The following CDH13 variants were observed in gnomAD, a reference collection of about 807,000 sequenced individuals.
CDH13 encodes cadherin-13.
CDH13 carries 24 observed loss-of-function variants against 63.8 expected under a neutral mutation model. That is an observed-to-expected ratio of 0.38 (90% CI 0.27 to 0.53). The LOEUF is 0.53. Ranked by LOEUF, CDH13 falls within the 20% of genes least tolerant of loss-of-function variation. The pLI, the probability that CDH13 is intolerant of heterozygous loss-of-function variation, is 0.85. For missense variants in CDH13, 1,049 were observed against 903.1 expected (o/e 1.16, Z -2.07); for synonymous variants, 503 against 355.3 (o/e 1.42, Z -4.67).
At chr16:83,627,126 A>G (rs1296981196) in intron 8 of CDH13, among the ~76,000 whole-genome samples, 1 of 32,824 alleles carries the variant, frequency 3.0e-5, no homozygotes, top group African/African-American at 1.1e-4. Flanking sequence ...CCACTAAAAT[A>G]CAAAAAAAAA....
intron 4 of CDH13, among the ~76,000 whole-genome samples, chr16:83,157,660 C>T (rs1220845693): frequency 2.7e-5 from 4 of 150,382 alleles, no homozygotes; most frequent in East Asian, 2.0e-4. Context: ...TTTGGGAGGC[C>T]GAGGCGGGCA....
intron 10 of CDH13, among the ~76,000 whole-genome samples, chr16:83,717,423 C>T (rs1342071162): frequency 3.3e-5 from 5 of 152,282 alleles, no homozygotes; most frequent in East Asian, 3.9e-4. Context: ...CCTGGTTCAC[C>T]GCACGTGAAA....
At chr16:83,469,760 T>C (rs2073408716) in intron 6 of CDH13, among the ~76,000 whole-genome samples, 3 of 152,146 alleles carry the variant, frequency 2.0e-5, no homozygotes, top group South Asian at 4.1e-4. Flanking sequence ...TAAAATGCAT[T>C]GTTTGCAACA....
chr16:82,808,620 A>G (rs907791626), intron 1 of CDH13, among the ~76,000 whole-genome samples: 1 of 152,184 alleles, frequency 6.6e-6, no homozygotes, highest in Non-Finnish European at 1.5e-5. Context: ...TTATTTTTTC[A>G]TAAGATGATG....
At chr16:82,821,412 T>C (rs1381503) in intron 1 of CDH13, among the ~76,000 whole-genome samples, 48,028 of 152,128 alleles carry the variant, frequency 0.32, 8,765 homozygotes, top group Non-Finnish European at 0.42. Flanking sequence ...GAAGTTGGCC[T>C]ATGCCCCTTG....
chr16:82,949,010 G>C (rs1042039219), intron 2 of CDH13, among the ~76,000 whole-genome samples: 18 of 152,160 alleles, frequency 1.2e-4, no homozygotes, highest in Non-Finnish European at 2.2e-4. Context: ...TACATTGTGA[G>C]AGAGTTTTCA....
chr16:83,672,035 A>G (rs1321714412), intron 9 of CDH13, among the ~76,000 whole-genome samples: 1 of 152,248 alleles, frequency 6.6e-6, no homozygotes, highest in Non-Finnish European at 1.5e-5. Context: ...CCTGAGCAGC[A>G]GGGATCAATT....
In CDH13 at chr16:82,763,065, G is replaced by A. The variant is rs143000082; in HGVS notation, c.46-95297G>A. Among the ~76,000 whole-genome samples the A allele has an allele frequency of 3.9e-5, 6 of 152,316 alleles. No homozygotes were observed. In the East Asian group the frequency reaches 9.6e-4, roughly 24 times the overall value. On this transcript the variant is annotated intron_variant, in intron 1 of 13. Coordinates refer to ENST00000567109, the MANE Select transcript of CDH13 (RefSeq NM_001257.5). ...TTATAGATTTTATATAAGCATGTGA[G>A]TATGGACCTTGGGCCTCACCAGCCC...
chr16:82,764,343 C>G (rs1160132905), intron 1 of CDH13, among the ~76,000 whole-genome samples: 2 of 152,120 alleles, frequency 1.3e-5, no homozygotes, highest in African/African-American at 4.8e-5. Context: ...AAAGGATTCT[C>G]ATTTGTCTAT....
intron 4 of CDH13, among the ~76,000 whole-genome samples, chr16:83,174,791 G>C (rs2038060926): frequency 6.6e-6 from 1 of 152,046 alleles, no homozygotes; most frequent in Admixed American, 6.6e-5. Context: ...TAACAATCAT[G>C]GCAGAATGTG....
intron 2 of CDH13, among the ~76,000 whole-genome samples, chr16:82,933,074 G>A (rs1434971831): frequency 6.6e-6 from 1 of 152,030 alleles, no homozygotes; most frequent in African/African-American, 2.4e-5. Context: ...TCTTTAGGAA[G>A]GCTGAATCAA....
chr16:82,819,747 T>C (rs2037910174), intron 1 of CDH13, among the ~76,000 whole-genome samples: 1 of 152,224 alleles, frequency 6.6e-6, no homozygotes, highest in Non-Finnish European at 1.5e-5. Flanking sequence ...GCCTATGCTT[T>C]TCCAGGCAGT....
intron 5 of CDH13, among the ~76,000 whole-genome samples, chr16:83,341,132 A>G (rs2090712124): frequency 6.6e-6 from 1 of 152,210 alleles, no homozygotes; most frequent in Admixed American, 6.5e-5. Context: ...TTGAATGCAT[A>G]TGAGGTTGTT....
intron 4 of CDH13, among the ~76,000 whole-genome samples, chr16:83,153,805 C>T (rs996582963): frequency 6.6e-6 from 1 of 152,288 alleles, no homozygotes; most frequent in South Asian, 2.1e-4. Context: ...TTAAGCCACT[C>T]ACTTTGTGGC....
chr16:83,511,100 A>ACATGCACG (rs1189098747), intron 7 of CDH13, among the ~76,000 whole-genome samples: 2 of 114,410 alleles, frequency 1.7e-5, no homozygotes, highest in Non-Finnish European at 3.6e-5. Flanking sequence ...ACACATGCAC[A>ACATGCACG]CATGCACGCA....
intron 7 of CDH13, among the ~76,000 whole-genome samples, chr16:83,569,537 T>C (rs7193706): frequency 0.55 from 82,952 of 152,098 alleles, 23,599 homozygotes; most frequent in East Asian, 0.67. Flanking sequence ...AATACATTTT[T>C]CTATTTTTTT....
At chr16:82,967,673 C>T (rs1206197713) in intron 2 of CDH13, among the ~76,000 whole-genome samples, 1 of 152,182 alleles carries the variant, frequency 6.6e-6, no homozygotes, top group African/African-American at 2.4e-5. Context: ...CCCCAGCCTG[C>T]TTTCACAGTT....
intron 10 of CDH13, among the ~76,000 whole-genome samples, chr16:83,714,479 G>T (rs1908588120): frequency 6.6e-6 from 1 of 152,146 alleles, no homozygotes; most frequent in Non-Finnish European, 1.5e-5. Flanking sequence ...AAGCCTGGGG[G>T]AAACTGTTTC....
At position 83,216,429 on chromosome 16, in the gene CDH13, T is replaced by TAA. The variant is rs1555513903; in HGVS notation, c.484-915_484-914insAA. 2.4e-4 allele frequency among the ~76,000 whole-genome samples: 25 copies of TAA among 105,696 alleles called. 1 individual carries two copies. Among genetic ancestry groups the TAA allele is most frequent in the African/African-American group, 5.5e-4 (17 of 30,702 alleles). The allele number at this position is 105,696 out of a possible 152,430, so 69.3% of individuals were successfully genotyped here. ...ATATATATATATATATATATATATA[T>TAA]ATATATATATATATACACAACCCTA... On this transcript the variant is annotated intron_variant, in intron 4 of 13. Transcript: ENST00000567109.
Sources: gnomAD v4.1 joint callset for allele counts (sites outside exome capture counted in the v4.1 genomes callset) on GRCh38, gnomAD v4.1.1 for gene constraint, MANE v1.5 for transcripts, NCBI Gene and HGNC (gene_info 2026-07-23, HGNC 2026-07-21) for gene names.